Variants in MAML2 observed in about 807,000 individuals in gnomAD.
MAML2 encodes the protein mastermind-like protein 2.
Under a neutral mutation model 96.1 loss-of-function variants are expected in MAML2, and 22 were observed. The ratio of observed to expected loss-of-function variants is 0.23; its 90% confidence interval spans 0.16 to 0.33. The LOEUF (loss-of-function observed/expected upper bound fraction) is 0.33, where lower values mean the gene tolerates loss of function less well. Among genes scored for constraint, MAML2 ranks in the 10% least tolerant of loss-of-function variants. The probability of loss-of-function intolerance (pLI) is 1.00; values close to 1 mark genes in which losing one functional copy is unlikely to be tolerated. For missense variants in MAML2, 1,367 were observed against 1,392.4 expected, an observed-to-expected ratio of 0.98 and a Z score of 0.29; for synonymous variants, 561 against 521.3, an observed-to-expected ratio of 1.08 and a Z score of -1.04.
chr11:96,063,389 A>G (rs1859197668), intron 2 of MAML2, among the ~76,000 whole-genome samples: 1 of 152,108 alleles, frequency 6.6e-6, no homozygotes, highest in Non-Finnish European at 1.5e-5. Flanking sequence ...CCTTTTTAGC[A>G]CTGTACCCAC....
chr11:96,334,756 C>A (rs1423581480), intron 1 of MAML2, among the ~76,000 whole-genome samples: 1 of 152,234 alleles, frequency 6.6e-6, no homozygotes, highest in Non-Finnish European at 1.5e-5. Flanking sequence ...TGCATACAAT[C>A]TTGACGTAAG....
intron 1 of MAML2, among the ~76,000 whole-genome samples, chr11:96,163,122 C>A (rs1350183546): frequency 1.3e-5 from 2 of 152,162 alleles, no homozygotes; most frequent in Non-Finnish European, 2.9e-5. Context: ...ACACTATAAA[C>A]GTTCCGTAGT....
chr11:96,070,882 T>C (rs1403743698), intron 2 of MAML2, among the ~76,000 whole-genome samples: 3 of 152,240 alleles, frequency 2.0e-5, no homozygotes, highest in Non-Finnish European at 4.4e-5. Context: ...AGCAAATAAA[T>C]CTCATTTTAA....
intron 1 of MAML2, among the ~76,000 whole-genome samples, chr11:96,303,680 A>G (rs10501851): frequency 0.22 from 32,826 of 152,118 alleles, 4,979 homozygotes; most frequent in African/African-American, 0.42. Context: ...GATAGGCTGA[A>G]TACAAGACAC....
At chr11:96,193,192 C>T (rs1861680541) in intron 1 of MAML2, among the ~76,000 whole-genome samples, 1 of 152,090 alleles carries the variant, frequency 6.6e-6, no homozygotes, top group South Asian at 2.1e-4. Context: ...TATGGTGAAA[C>T]CCCATCTCTA....
intron 2 of MAML2, among the ~76,000 whole-genome samples, chr11:96,004,573 T>G (rs1858146998): frequency 6.6e-6 from 1 of 152,214 alleles, no homozygotes; most frequent in African/African-American, 2.4e-5. Context: ...AATTCTCACA[T>G]GTCTCATGTG....
At chr11:96,015,588 G>GA (rs1223544794) in intron 2 of MAML2, among the ~76,000 whole-genome samples, 2 of 132,506 alleles carry the variant, frequency 1.5e-5, no homozygotes, top group South Asian at 2.8e-4. Flanking sequence ...AAAAAAAGGG[G>GA]GGGGGGGCAA....
chr11:96,138,987 T>G (rs1020062512), intron 1 of MAML2, among the ~76,000 whole-genome samples: 1 of 152,194 alleles, frequency 6.6e-6, no homozygotes, highest in Non-Finnish European at 1.5e-5. Context: ...ATATGAAAAG[T>G]CACTAGTTAT....
chr11:96,239,207 T>C (rs16923409), intron 1 of MAML2, among the ~76,000 whole-genome samples: 2,762 of 152,316 alleles, frequency 0.018, 106 homozygotes, highest in South Asian at 0.16. Context: ...TAAATGGCTG[T>C]TATATAGTGT....
At chr11:96,189,069 G>GT (rs765549492) in intron 1 of MAML2, among the ~76,000 whole-genome samples, 80 of 100,054 alleles carry the variant, frequency 8.0e-4, no homozygotes, top group East Asian at 1.9e-3. Flanking sequence ...AAACTGTTTT[G>GT]TTTTTTTTTT....
At position 96,092,505 on chromosome 11, in the gene MAML2, A is replaced by T. The variant is rs1333928564; in HGVS notation, c.1526T>A (p.Val509Glu). The change falls in exon 2 of 5, where the codon GTA (valine) becomes GAA (glutamate). Residue 509 changes from valine to glutamate, a missense_variant. Transcript: ENST00000524717. This position sits in a 1 kb window ranked among gnomAD's most constrained non-coding sequence, Gnocchi z 4.1. ...GGCCTTGTACATGTAGTTAGCCATTACTTTCGACTGGCCGCTGCCGCCAGC... is the reference window on the plus strand; with the variant it reads ...GGCCTTGTACATGTAGTTAGCCATTTCTTTCGACTGGCCGCTGCCGCCAGC... The part of the protein sequence containing the change: ...GVAGGSGQSK[V>E]MANYMYKAGP... The T allele has an allele frequency of 1.3e-6, 2 of 1,597,572 alleles. No homozygotes were observed. Among genetic ancestry groups the T allele is most frequent in the Non-Finnish European group, 1.7e-6 (2 of 1,170,110 alleles).
chr11:96,000,408 C>T (rs923831975), intron 2 of MAML2, among the ~76,000 whole-genome samples: 1 of 152,152 alleles, frequency 6.6e-6, no homozygotes, highest in Admixed American at 6.6e-5. Flanking sequence ...ACTATAATAA[C>T]AGAGTTGAAT....
chr11:96,092,219 C>CTGCTGCTGT lies in MAML2; in HGVS notation c.1811_1812insACAGCAGCA (p.Gln619_Gln621dup), dbSNP rs1859729418. The CTGCTGCTGT allele has an allele frequency of 5.7e-4, 29 of 51,104 alleles. No homozygotes were observed. The highest frequency in any genetic ancestry group is 5.5e-3 in the South Asian group (10 of 1,810). 3.2% of individuals were successfully genotyped at this position (51,104 alleles called of 1,614,324 possible). ...GCTGCTGCTGCTGCTGTTGCTGCTG[C>CTGCTGCTGT]TGCTGCTGCTGCTGCTGCTGCTGCT... On this transcript the variant is annotated inframe_insertion, in exon 2 of 5. Transcript: ENST00000524717. The surrounding 1 kb of genome is among the most constrained non-coding windows in gnomAD (Gnocchi z 4.1).
chr11:96,148,602 T>A (rs916588950), intron 1 of MAML2, among the ~76,000 whole-genome samples: 17 of 140 alleles, frequency 0.12, no homozygotes, highest in Non-Finnish European at 0.22. Context: ...ATGTTGGGGA[T>A]CAATATGAAG....
At chr11:96,029,739 G>T (rs998577825) in intron 2 of MAML2, among the ~76,000 whole-genome samples, 13 of 152,082 alleles carry the variant, frequency 8.5e-5, no homozygotes, top group Non-Finnish European at 1.5e-4. Flanking sequence ...GACTTTCTAT[G>T]TTCAGTGGCG....
intron 1 of MAML2, among the ~76,000 whole-genome samples, chr11:96,217,561 T>C (rs1862068798): frequency 6.6e-6 from 1 of 152,228 alleles, no homozygotes; most frequent in African/African-American, 2.4e-5. Flanking sequence ...TTTCCTATTT[T>C]ACAGACCCAA....
chr11:96,287,008 G>A (rs1330745707), intron 1 of MAML2, among the ~76,000 whole-genome samples: 1 of 152,136 alleles, frequency 6.6e-6, no homozygotes, highest in African/African-American at 2.4e-5. Context: ...GCAGCCTGAT[G>A]CGCTGCTCTA....
chr11:96,030,004 T>C (rs1013499571), intron 2 of MAML2, among the ~76,000 whole-genome samples: 2 of 152,092 alleles, frequency 1.3e-5, no homozygotes, highest in Non-Finnish European at 2.9e-5. Flanking sequence ...GAGGCCAAGG[T>C]GGGTGGATCA....
chr11:96,316,223 C>T (rs1863631315), intron 1 of MAML2, among the ~76,000 whole-genome samples: 1 of 152,126 alleles, frequency 6.6e-6, no homozygotes, highest in African/African-American at 2.4e-5. Context: ...TACTTGCTTG[C>T]CCATTCAAGA....
Sources: gnomAD v4.1 joint callset for allele counts (sites outside exome capture counted in the v4.1 genomes callset) on GRCh38, gnomAD v4.1.1 for gene constraint, Gnocchi (gnomAD v3.1) non-coding constraint, MANE v1.5 for transcripts, NCBI Gene and HGNC (gene_info 2026-07-23, HGNC 2026-07-21) for gene names.